Variants in PFKFB3 observed in about 807,000 individuals in gnomAD.
The protein encoded by PFKFB3 is 6-phosphofructo-2-kinase/fructose-2,6-biphosphatase 3.
PFKFB3 carries 33 observed loss-of-function variants against 68.0 expected under a neutral mutation model. That is an observed-to-expected ratio of 0.49 (90% CI 0.37 to 0.65). The LOEUF (loss-of-function observed/expected upper bound fraction) is 0.65. Among genes scored for constraint, PFKFB3 ranks in the 30% least tolerant of loss-of-function variants. PFKFB3 has a pLI of 0.00. For synonymous variants in PFKFB3, 315 were observed against 288.2 expected (o/e 1.09, Z -0.94); for missense variants, 586 against 712.2 (o/e 0.82, Z 2.02).
intron 14 of PFKFB3, among the ~76,000 whole-genome samples, chr10:6,253,134 G>A (rs1846416017): frequency 6.6e-6 from 1 of 152,030 alleles, no homozygotes; most frequent in South Asian, 2.1e-4. Context: ...TGGCCAGGCT[G>A]GTCTTGAACT....
intron 1 of PFKFB3, among the ~76,000 whole-genome samples, chr10:6,164,671 TGGC>T (rs991454432): frequency 1.9e-4 from 29 of 152,206 alleles, no homozygotes; most frequent in African/African-American, 7.0e-4. Flanking sequence ...TTTACTATCT[TGGC>T]GAGGGGAGTG....
chr10:6,219,007 A>G (rs1844772520), intron 6 of PFKFB3, among the ~76,000 whole-genome samples: 1 of 152,172 alleles, frequency 6.6e-6, no homozygotes, highest in African/African-American at 2.4e-5. Flanking sequence ...GTGTTGGTAG[A>G]CCTGTGTTGT....
intron 1 of PFKFB3, 29 bp from the exon 2 acceptor site, chr10:6,213,594 T>C (rs765249308): frequency 6.2e-7 from 1 of 1,603,814 alleles, no homozygotes; most frequent in Non-Finnish European, 8.5e-7. Context: ...ACTTGGTTGA[T>C]GACACACCCT....
chr10:6,275,154 C>T, the PFKFB3 span, among the ~76,000 whole-genome samples: 3 of 152,198 alleles, frequency 2.0e-5, no homozygotes, highest in Non-Finnish European at 2.9e-5. This position sits in a 1 kb window ranked among gnomAD's most constrained non-coding sequence, Gnocchi z 4.9. Context: ...AGTGACCCTT[C>T]GGCACTTGGG....
chr10:6,227,969 C>T (rs961022344), intron 14 of PFKFB3, among the ~76,000 whole-genome samples: 2 of 152,186 alleles, frequency 1.3e-5, no homozygotes, highest in Non-Finnish European at 2.9e-5. Context: ...GGGTTGATAT[C>T]CTGAGCTGCA....
chr10:6,191,920 G>A (rs1843033329), intron 1 of PFKFB3, among the ~76,000 whole-genome samples: 1 of 152,032 alleles, frequency 6.6e-6, no homozygotes. Flanking sequence ...GGACACCCTG[G>A]TCGCCGTTCT....
At chr10:6,172,538 G>A (rs1050960951) in intron 1 of PFKFB3, among the ~76,000 whole-genome samples, 2 of 152,156 alleles carry the variant, frequency 1.3e-5, no homozygotes, top group African/African-American at 4.8e-5. Context: ...AGGAAACCGG[G>A]GTGCTGAATG....
intron 10 of PFKFB3, chr10:6,222,594 C>T (rs1363063384): frequency 1.4e-5 from 4 of 280,642 alleles, no homozygotes; most frequent in Non-Finnish European, 2.7e-5. Flanking sequence ...GAGTCAGATG[C>T]CACACGTGCC....
intron 1 of PFKFB3, among the ~76,000 whole-genome samples, chr10:6,181,947 A>G (rs1842726387): frequency 1.3e-5 from 2 of 152,188 alleles, no homozygotes; most frequent in East Asian, 1.9e-4. Context: ...ATGGGGACAC[A>G]GTTTCCATTG....
At chr10:6,324,837 G>C in the PFKFB3 span, among the ~76,000 whole-genome samples, 27 of 151,918 alleles carry the variant, frequency 1.8e-4, no homozygotes, top group African/African-American at 6.3e-4. Flanking sequence ...AAAAAGAAGA[G>C]AGCATTGGAA....
chr10:6,325,347 TG>T, the PFKFB3 span, among the ~76,000 whole-genome samples: 4 of 152,226 alleles, frequency 2.6e-5, no homozygotes, highest in African/African-American at 9.6e-5. Context: ...GAAGAGCACG[TG>T]GAAGACAGAA....
chr10:6,200,505 G>T (rs997673343), upstream of PFKFB3, among the ~76,000 whole-genome samples: 4 of 152,022 alleles, frequency 2.6e-5, no homozygotes, highest in Non-Finnish European at 4.4e-5. Context: ...TGATTTTGTA[G>T]TGAAGCAGTT....
intron 1 of PFKFB3, among the ~76,000 whole-genome samples, chr10:6,207,628 C>A (rs7082527): frequency 2.0e-5 from 3 of 152,176 alleles, no homozygotes; most frequent in Admixed American, 1.3e-4. Context: ...TGTCTAGGAC[C>A]CTGCTTTTTA....
chr10:6,259,905 G>T, the PFKFB3 span, among the ~76,000 whole-genome samples: 1 of 152,190 alleles, frequency 6.6e-6, no homozygotes, highest in Admixed American at 6.5e-5. Flanking sequence ...ATTATGTGAT[G>T]AGTGCTGGCT....
intron 1 of PFKFB3, among the ~76,000 whole-genome samples, chr10:6,211,716 C>G (rs915504333): frequency 1.3e-5 from 2 of 152,184 alleles, no homozygotes; most frequent in Non-Finnish European, 2.9e-5. Context: ...CATCTGTTTT[C>G]GAGGAACTGT....
intron 13 of PFKFB3, chr10:6,225,308 C>T (rs572987424): frequency 9.5e-4 from 403 of 425,046 alleles, no homozygotes; most frequent in Non-Finnish European, 1.5e-3. Flanking sequence ...GATGAGGTGT[C>T]CGCCCCAGTC....
chr10:6,275,547 C>T, the PFKFB3 span, among the ~76,000 whole-genome samples: 12 of 152,204 alleles, frequency 7.9e-5, no homozygotes, highest in African/African-American at 2.9e-4. This position sits in a 1 kb window ranked among gnomAD's most constrained non-coding sequence, Gnocchi z 4.9. Flanking sequence ...CTCATCTGGG[C>T]AGTGCAAAGA....
intron 7 of PFKFB3, among the ~76,000 whole-genome samples, chr10:6,219,953 A>G (rs1588510392): frequency 6.6e-6 from 1 of 152,336 alleles, no homozygotes; most frequent in Admixed American, 6.5e-5. Context: ...ATGACAAATC[A>G]TATTCAGTGG....
chr10:6,228,837 G>T lies in PFKFB3; in HGVS notation c.1515+2472G>T, dbSNP rs984763570. On this transcript the variant is annotated intron_variant, in intron 14 of 14. Transcript: ENST00000379775. This position sits in a 1 kb window ranked among gnomAD's most constrained non-coding sequence, Gnocchi z 4.5. The stretch of plus-strand genomic sequence containing the variant: ...GCGTCATAGTCACGCCCGGGGCTGG[G>T]TGCAGCCTCCATCTCTAACCCATGT... 2.6e-5 allele frequency among the ~76,000 whole-genome samples: 4 copies of T among 152,136 alleles called. No individual in the cohort carries two copies. Among genetic ancestry groups the T allele is most frequent in the Admixed American group, 6.5e-5 (1 of 15,274 alleles).
Sources: gnomAD v4.1 joint callset for allele counts (sites outside exome capture counted in the v4.1 genomes callset) on GRCh38, gnomAD v4.1.1 for gene constraint, Gnocchi (gnomAD v3.1) non-coding constraint, MANE v1.5 for transcripts, NCBI Gene and HGNC (gene_info 2026-07-23, HGNC 2026-07-21) for gene names.